Variants in HLCS observed in about 807,000 individuals in gnomAD.
HLCS encodes the protein biotin--protein ligase.
In HLCS, 53 loss-of-function variants were observed where a neutral mutation model predicts 75.0. That is an observed-to-expected ratio of 0.71 (90% CI 0.57 to 0.89). HLCS has a LOEUF of 0.89. Ranked by LOEUF, HLCS falls within the 40% of genes least tolerant of loss-of-function variation. The pLI is 0.00. For synonymous variants in HLCS, 431 were observed against 428.6 expected, an observed-to-expected ratio of 1.01 and a Z score of -0.07; for missense variants, 966 against 1,074.0, an observed-to-expected ratio of 0.90 and a Z score of 1.41.
chr21:36,883,212 G>T (rs2064304597), intron 6 of HLCS, among the ~76,000 whole-genome samples: 1 of 152,164 alleles, frequency 6.6e-6, no homozygotes, highest in Admixed American at 6.5e-5. Context: ...TTTTAAAGGG[G>T]CAGGTGAAAG....
chr21:36,938,133 A>T (rs541944994), intron 3 of HLCS, among the ~76,000 whole-genome samples: 7 of 152,364 alleles, frequency 4.6e-5, no homozygotes, highest in Non-Finnish European at 1.0e-4. Context: ...AAATTGTGAT[A>T]CATATATTTT....
intron 7 of HLCS, 90 bp from the exon 8 acceptor site, chr21:36,765,262 A>C: frequency 1.7e-6 from 2 of 1,159,634 alleles, no homozygotes; most frequent in Non-Finnish European, 2.6e-6. Flanking sequence ...ACTCAAATAA[A>C]TCTGAACTTA....
Position 36,966,611 on chromosome 21 carries a change from G to A in HLCS, c.28C>T (p.Leu10=). The change falls in exon 1 of 11, where the codon CTG becomes TTG. Residue 10 remains leucine, a synonymous_variant. Coordinates refer to ENST00000674895, the MANE Select transcript of HLCS (RefSeq NM_001352514.2). ...GGCCGGCGACCCCAGCGCGCCCACAGGTACAGGTAGCACAGCGTGATGAGC... is the reference window on the plus strand; with the variant it reads ...GGCCGGCGACCCCAGCGCGCCCACAAGTACAGGTAGCACAGCGTGATGAGC... MLITLCYLY[L]WARWGRRPAE... is the part of the protein sequence containing the mutation. The A allele has an allele frequency of 1.0e-6, 1 of 991,374 alleles. No homozygotes were observed. The highest frequency in any genetic ancestry group is 1.2e-6 in the Non-Finnish European group (1 of 835,712). 61.4% of individuals were successfully genotyped at this position (991,374 alleles called of 1,614,324 possible). A position where few individuals can be genotyped will look rare whatever the true frequency, so the allele number is the denominator to read the frequency against.
In HLCS at chr21:36,990,157, C is replaced by G. The variant is rs1317370121; in HGVS notation, c.-393+1G>C. ...TCCCGGCCCGCAGCGCCCCGACTTACTTCTGAGGCCGAAACGCGGCCGCTC... is the reference window on the plus strand; with the variant it reads ...TCCCGGCCCGCAGCGCCCCGACTTAGTTCTGAGGCCGAAACGCGGCCGCTC... On this transcript the variant is annotated splice_donor_variant, in intron 1 of 11. Coordinates refer to the HLCS transcript ENST00000336648. LOFTEE classifies it low-confidence loss of function (5UTR_SPLICE). 1 of 152,472 alleles carries G rather than the reference C, an allele frequency of 6.6e-6. No individual in the cohort carries two copies. Among genetic ancestry groups the G allele is most frequent in the Admixed American group, 6.5e-5 (1 of 15,286 alleles). The allele number at this position is 152,472 out of a possible 1,614,324, so 9.4% of individuals were successfully genotyped here.
At chr21:36,839,466 G>A (rs917784882) in intron 6 of HLCS, among the ~76,000 whole-genome samples, 2 of 152,174 alleles carry the variant, frequency 1.3e-5, no homozygotes, top group African/African-American at 2.4e-5. Flanking sequence ...ACATAAGTAC[G>A]CTTTGCTCAC....
chr21:36,772,413 G>A (rs535840403), intron 6 of HLCS, among the ~76,000 whole-genome samples: 1 of 152,090 alleles, frequency 6.6e-6, no homozygotes, highest in East Asian at 1.9e-4. Context: ...GAGGTGGGTG[G>A]ATCACTTGAG....
At position 36,753,973 on chromosome 21, in the gene HLCS, CG is replaced by C. The variant is rs921887441; in HGVS notation, c.*272del. 1.6e-4 allele frequency: 83 copies of C among 523,688 alleles called. No homozygotes were observed. The highest frequency in any genetic ancestry group is 2.6e-4 in the Non-Finnish European group (76 of 290,038). 32.4% of individuals were successfully genotyped at this position (523,688 alleles called of 1,614,324 possible). A position where few individuals can be genotyped will look rare whatever the true frequency, so the allele number is the denominator to read the frequency against. On this transcript the variant is annotated 3_prime_UTR_variant, in exon 11 of 11. Coordinates refer to ENST00000674895, the MANE Select transcript of HLCS (RefSeq NM_001352514.2). The surrounding 1 kb of genome is among the most constrained non-coding windows in gnomAD (Gnocchi z 4.3). ...TGTAAAAACTCCCCTTGACAATAAA[CG>C]TAAGTCCAAGCCACAGAGGGGAGAG...
At chr21:36,864,283 C>G (rs1034562667) in intron 6 of HLCS, among the ~76,000 whole-genome samples, 1 of 152,026 alleles carries the variant, frequency 6.6e-6, no homozygotes, top group African/African-American at 2.4e-5. Flanking sequence ...GCCTGTAATT[C>G]CAGCTACTTG....
At chr21:36,953,693 T>C (rs908606379) in intron 2 of HLCS, among the ~76,000 whole-genome samples, 1 of 152,192 alleles carries the variant, frequency 6.6e-6, no homozygotes, top group African/African-American at 2.4e-5. Context: ...AACCTGAACA[T>C]ATTTGATATT....
In HLCS at chr21:36,987,600, G is replaced by A. The variant is rs545275021; in HGVS notation, c.-393+2558C>T. On this transcript the variant is annotated intron_variant, in intron 1 of 11. Transcript: ENST00000336648. ...TGCACTCCAGCCTGGGCAACAGAGC[G>A]AGACTCTGTCTCCAAAAAAACGAAA... Among the ~76,000 whole-genome samples the A allele has an allele frequency of 9.5e-4, 144 of 152,248 alleles. No individual in the cohort carries two copies. The highest frequency in any genetic ancestry group is 3.1e-3 in the African/African-American group (128 of 41,558).
chr21:36,928,298 G>A (rs1266420228), intron 5 of HLCS, among the ~76,000 whole-genome samples: 9 of 152,140 alleles, frequency 5.9e-5, no homozygotes. Flanking sequence ...AAGAGGCCGG[G>A]AGCGCCATGC....
chr21:36,932,980 T>G (rs1225902879), intron 4 of HLCS, among the ~76,000 whole-genome samples: 1 of 152,118 alleles, frequency 6.6e-6, no homozygotes, highest in African/African-American at 2.4e-5. Context: ...CAGCCAGGCA[T>G]GGTGGCGCAC....
At chr21:36,785,487 G>A (rs1019607908) in intron 6 of HLCS, among the ~76,000 whole-genome samples, 2 of 152,150 alleles carry the variant, frequency 1.3e-5, no homozygotes, top group African/African-American at 4.8e-5. Flanking sequence ...CTTGAGACCT[G>A]GGTGGATTCG....
rs1266271416 is a variant in HLCS, at chr21:36,966,656, G to A, written c.-18C>T. 9 of 978,360 alleles carry A rather than the reference G, an allele frequency of 9.2e-6. No homozygotes were observed. In the East Asian group the frequency reaches 3.4e-4, roughly 37 times the overall value. The allele number at this position is 978,360 out of a possible 1,614,324, so 60.6% of individuals were successfully genotyped here. A position where few individuals can be genotyped will look rare whatever the true frequency, so the allele number is the denominator to read the frequency against. On this transcript the variant is annotated 5_prime_UTR_variant, in exon 1 of 11. Coordinates refer to ENST00000674895, the MANE Select transcript of HLCS (RefSeq NM_001352514.2). The stretch of plus-strand genomic sequence containing the variant: ...ATGAGCATGGCCGCGCCGCCGGCAG[G>A]GCGAGCCCGCCTTGCCCGCCCGCCC...
chr21:36,840,019 C>T (rs1194579073), intron 6 of HLCS, among the ~76,000 whole-genome samples: 1 of 152,220 alleles, frequency 6.6e-6, no homozygotes, highest in Non-Finnish European at 1.5e-5. Flanking sequence ...CATAAACAAA[C>T]TAATCTTCAC....
chr21:36,909,171 T>C (rs2065594776), intron 5 of HLCS, among the ~76,000 whole-genome samples: 1 of 152,120 alleles, frequency 6.6e-6, no homozygotes, highest in South Asian at 2.1e-4. Context: ...CACTCCAGCC[T>C]GGGCAACAGA....
rs143993016 is a variant in HLCS at position 36,862,602 on chromosome 21, T to G, written c.1892+34258A>C. 6.2e-3 allele frequency among the ~76,000 whole-genome samples: 941 copies of G among 152,328 alleles called. 9 individuals are homozygous for G. The highest frequency in any genetic ancestry group is 0.022 in the African/African-American group (908 of 41,566). ...CTTTACAAAATTTTCTTAGGTTTTTTGGGTATTCTTTCGAATTTCACATTT... is the reference window on the plus strand; with the variant it reads ...CTTTACAAAATTTTCTTAGGTTTTTGGGGTATTCTTTCGAATTTCACATTT... On this transcript the variant is annotated intron_variant, in intron 6 of 10. Transcript: ENST00000674895.
At chr21:36,920,651 G>A (rs1380216563) in intron 5 of HLCS, among the ~76,000 whole-genome samples, 1 of 151,928 alleles carries the variant, frequency 6.6e-6, no homozygotes, top group African/African-American at 2.4e-5. Context: ...CACCTACTAT[G>A]TACCTATTAA....
At chr21:36,914,353 A>T (rs891477202) in intron 5 of HLCS, among the ~76,000 whole-genome samples, 8 of 152,206 alleles carry the variant, frequency 5.3e-5, no homozygotes, top group African/African-American at 1.9e-4. Context: ...GATTGATGTC[A>T]TTGGCTATCT....
Sources: allele counts gnomAD v4.1 joint callset (sites outside exome capture counted in the v4.1 genomes callset), GRCh38; gene constraint gnomAD v4.1.1; non-coding constraint Gnocchi (gnomAD v3.1); transcripts MANE v1.5; gene names NCBI Gene and HGNC (gene_info 2026-07-23, HGNC 2026-07-21).